Variants in DENND1A observed in about 807,000 individuals in gnomAD.
DENND1A encodes DENN domain-containing protein 1A.
DENND1A carries 51 observed loss-of-function variants against 113.7 expected under a neutral mutation model. That is an observed-to-expected ratio of 0.45 (90% CI 0.36 to 0.57). The LOEUF (loss-of-function observed/expected upper bound fraction) is 0.57. DENND1A is among the 20% of genes least tolerant of loss of function. DENND1A has a pLI of 0.00. For synonymous variants in DENND1A, 565 were observed against 570.8 expected (o/e 0.99, Z 0.14); for missense variants, 1,258 against 1,395.9 (o/e 0.90, Z 1.57).
At chr9:123,613,743 T>G (rs530727555) in intron 10 of DENND1A, among the ~76,000 whole-genome samples, 12 of 152,348 alleles carry the variant, frequency 7.9e-5, no homozygotes, top group African/African-American at 2.4e-4. Context: ...ACCAAACTTA[T>G]GCATAGGCAG....
At position 123,527,241 on chromosome 9, in the gene DENND1A, C is replaced by T. The variant is rs150881303; in HGVS notation, c.993+30329G>A. Reference sequence around the variant, plus strand: ...TTCTGCTGGATTATGGTGACAGCCTCCTTGGCGGCTTCTTTCTCTGAGCTT... The same window carrying T: ...TTCTGCTGGATTATGGTGACAGCCTTCTTGGCGGCTTCTTTCTCTGAGCTT... On this transcript the variant is annotated intron_variant, in intron 13 of 23. Coordinates refer to ENST00000394215, the MANE Select transcript of DENND1A (RefSeq NM_001352964.2). Among the ~76,000 whole-genome samples, 930 of 152,316 alleles carry T rather than the reference C, an allele frequency of 6.1e-3. 4 individuals are homozygous for T. The highest frequency in any genetic ancestry group is 9.5e-3 in the Admixed American group (146 of 15,302).
chr9:123,510,224 T>C (rs2053338868), intron 13 of DENND1A, among the ~76,000 whole-genome samples: 1 of 152,276 alleles, frequency 6.6e-6, no homozygotes. Flanking sequence ...GACCTCTTAT[T>C]GATCCTTGTG....
chr9:123,608,183 C>T (rs1266477111), intron 11 of DENND1A, among the ~76,000 whole-genome samples: 2 of 152,094 alleles, frequency 1.3e-5, no homozygotes, highest in Admixed American at 6.5e-5. Context: ...GCCACATGGC[C>T]GGCCTGTCAA....
intron 5 of DENND1A, among the ~76,000 whole-genome samples, chr9:123,748,868 G>C (rs932371345): frequency 6.6e-6 from 1 of 152,134 alleles, no homozygotes; most frequent in African/African-American, 2.4e-5. Flanking sequence ...GTCGAATTCT[G>C]AGATCCTTTC....
At chr9:123,789,091 T>G (rs1476917177) in intron 3 of DENND1A, among the ~76,000 whole-genome samples, 2 of 151,230 alleles carry the variant, frequency 1.3e-5, no homozygotes, top group Non-Finnish European at 2.9e-5. Context: ...AAAAAAAATA[T>G]AGGCAACGCA....
intron 22 of DENND1A, 77 bp downstream of exon 22, chr9:123,387,653 C>A: frequency 7.9e-7 from 1 of 1,268,814 alleles, no homozygotes; most frequent in Non-Finnish European, 1.0e-6. Context: ...CAAGCAGCAC[C>A]AGCCCCCCGC....
At position 123,724,635 on chromosome 9, in the gene DENND1A, T is replaced by C. The variant is rs969504979; in HGVS notation, c.302+33068A>G. Among the ~76,000 whole-genome samples the C allele has an allele frequency of 1.1e-4, 16 of 152,206 alleles. No individual in the cohort carries two copies. In the South Asian group the frequency reaches 2.9e-3, roughly 28 times the overall value. On this transcript the variant is annotated intron_variant, in intron 5 of 23. Coordinates refer to ENST00000394215, the MANE Select transcript of DENND1A (RefSeq NM_001352964.2). ...TGGACTTGAGGTCTGAGCATCAAAA[T>C]GTCTGGCCAGGCCTCCCCAGCTTTC...
intron 13 of DENND1A, among the ~76,000 whole-genome samples, chr9:123,463,197 T>C (rs1418482568): frequency 6.6e-6 from 1 of 151,932 alleles, no homozygotes; most frequent in Non-Finnish European, 1.5e-5. Flanking sequence ...ATTAGCAGAG[T>C]TTTCCAAGTA....
intron 13 of DENND1A, among the ~76,000 whole-genome samples, chr9:123,505,158 C>T (rs1433213931): frequency 1.3e-5 from 2 of 152,142 alleles, no homozygotes; most frequent in Non-Finnish European, 2.9e-5. Flanking sequence ...CAACTCCCTG[C>T]GTGAGATATT....
chr9:123,842,507 G>A (rs1424315002), intron 2 of DENND1A, among the ~76,000 whole-genome samples: 2 of 152,018 alleles, frequency 1.3e-5, no homozygotes, highest in African/African-American at 4.8e-5. Context: ...ATGAACAAAT[G>A]TGTGCCAATG....
At chr9:123,485,656 G>GCGCGCGCACACACACACACACACA (rs765633751) in intron 13 of DENND1A, 1 of 141,242 alleles carries the variant, frequency 7.1e-6, no homozygotes, top group Non-Finnish European at 1.5e-5. Context: ...GCGCGCGCGC[G>GCGCGCGCACACACACACACACACA]CACACACACA....
rs562863139 is a variant in DENND1A, at chr9:123,640,014, A to G, written c.619-9538T>C. On this transcript the variant is annotated intron_variant, in intron 9 of 23. Transcript: ENST00000394215. Reference sequence around the variant, plus strand: ...TCACAGCTATTGGCAGAACTAGGATATGAACCTAGGGAAGTTGAGCTCTGG... The same window carrying G: ...TCACAGCTATTGGCAGAACTAGGATGTGAACCTAGGGAAGTTGAGCTCTGG... Among the ~76,000 whole-genome samples the G allele has an allele frequency of 3.9e-5, 6 of 152,306 alleles. No homozygotes were observed. The South Asian group carries it at 1.2e-3, about 32-fold the overall frequency.
intron 1 of DENND1A, among the ~76,000 whole-genome samples, chr9:123,925,086 C>T (rs1437844945): frequency 6.6e-6 from 1 of 152,130 alleles, no homozygotes; most frequent in African/African-American, 2.4e-5. Flanking sequence ...GTGAATTCAC[C>T]TGGTTTTTTT....
chr9:123,597,934 C>T (rs1035430129), intron 11 of DENND1A, among the ~76,000 whole-genome samples: 1 of 152,138 alleles, frequency 6.6e-6, no homozygotes, highest in Non-Finnish European at 1.5e-5. Context: ...CTGCCAGAGG[C>T]AGGAAAGGCA....
At chr9:123,820,826 A>G (rs757153635) in intron 2 of DENND1A, among the ~76,000 whole-genome samples, 3 of 152,190 alleles carry the variant, frequency 2.0e-5, no homozygotes, top group Non-Finnish European at 4.4e-5. Context: ...TTTCTTGTGG[A>G]GCTTCAAAAA....
Position 123,487,189 on chromosome 9 carries a change from T to C in DENND1A, c.994-29292A>G, listed in dbSNP as rs2050955085. Among the ~76,000 whole-genome samples, 3 of 152,344 alleles carry C rather than the reference T, an allele frequency of 2.0e-5. No homozygotes were observed. In the South Asian group the frequency reaches 6.2e-4, roughly 32 times the overall value. ...TCATTTGAGCTCCTGGATCCAGCCA[T>C]GCTGGTAGCAAGACAAGTCCGGGAT... On this transcript the variant is annotated intron_variant, in intron 13 of 23. Coordinates refer to ENST00000394215, the MANE Select transcript of DENND1A (RefSeq NM_001352964.2).
chr9:123,618,471 G>A lies in DENND1A; in HGVS notation c.720-8990C>T, dbSNP rs112619277. On this transcript the variant is annotated intron_variant, in intron 10 of 23. Coordinates refer to ENST00000394215, the MANE Select transcript of DENND1A (RefSeq NM_001352964.2). ...ATGCTCAGGCAGGTAGGCAGGAGTC[G>A]GGGCCAGCAACGTTGCATGGAGGCC... Among the ~76,000 whole-genome samples the A allele has an allele frequency of 1.8e-3, 272 of 152,306 alleles. 3 individuals carry two copies. Among genetic ancestry groups the A allele is most frequent in the African/African-American group, 6.2e-3 (256 of 41,572 alleles).
At chr9:123,699,099 T>TG (rs1554965094) in intron 5 of DENND1A, among the ~76,000 whole-genome samples, 3 of 151,428 alleles carry the variant, frequency 2.0e-5, no homozygotes, top group African/African-American at 4.9e-5. Context: ...TGGAGCCAAC[T>TG]AAAGAGCTGT....
At chr9:123,813,055 T>G (rs1317422290) in intron 2 of DENND1A, among the ~76,000 whole-genome samples, 2 of 152,064 alleles carry the variant, frequency 1.3e-5, no homozygotes, top group African/African-American at 4.8e-5. Context: ...ACTCAAGGGA[T>G]CCTCCCACCT....
Sources: allele counts gnomAD v4.1 joint callset (sites outside exome capture counted in the v4.1 genomes callset), GRCh38; gene constraint gnomAD v4.1.1; transcripts MANE v1.5; gene names NCBI Gene and HGNC (gene_info 2026-07-23, HGNC 2026-07-21).